ARHGAP4: variants seen among roughly 807,000 people sequenced by gnomAD.
ARHGAP4 encodes Rho GTPase activating protein 4, also known as rho GTPase-activating protein 4.
Under a neutral mutation model 67.6 loss-of-function variants are expected in ARHGAP4, and 25 were observed. The ratio of observed to expected loss-of-function variants is 0.37; its 90% CI spans 0.27 to 0.52. The LOEUF (loss-of-function observed/expected upper bound fraction) is 0.52, where lower values mean the gene tolerates loss of function less well. ARHGAP4 is among the 20% of genes least tolerant of loss of function. The pLI, the probability that ARHGAP4 is intolerant of heterozygous loss-of-function variation, is 0.92. For missense variants in ARHGAP4, 804 were observed against 854.6 expected (o/e 0.94, Z 0.74); for synonymous variants, 448 against 373.7 (o/e 1.20, Z -2.29).
At chrX:153,909,712 C>T (rs375586947) in intron 19 of ARHGAP4, 29 bp downstream of exon 19, 1 of 1,165,251 alleles carries the variant, frequency 8.6e-7, no homozygotes, top group Non-Finnish European at 1.1e-6. Flanking sequence ...CTCCGGGAGC[C>T]CTGGGGCCTG....
chrX:153,915,708 G>A (rs2065051516), intron 7 of ARHGAP4, among the ~76,000 whole-genome samples: 2 of 112,273 alleles, frequency 1.8e-5, no homozygotes, highest in Non-Finnish European at 3.8e-5. Flanking sequence ...GATGGCTTGA[G>A]CCCAGGAGTT....
chrX:153,920,933 C>A, intron 4 of ARHGAP4, 125 bp from the exon 5 acceptor site: 1 of 998,827 alleles, frequency 1.0e-6, no homozygotes, highest in South Asian at 2.1e-5. Flanking sequence ...GAGCACTTAG[C>A]CTAACGCCCT....
intron 1 of ARHGAP4, among the ~76,000 whole-genome samples, chrX:153,924,858 A>G (rs1367606295): frequency 1.8e-5 from 2 of 112,023 alleles, no homozygotes; most frequent in African/African-American, 3.2e-5. Flanking sequence ...AACAGAAGAA[A>G]AGATGGTCTC....
At chrX:153,909,606 G>A (rs782423164) in intron 19 of ARHGAP4, 71 bp from the exon 20 acceptor site, 23 of 1,108,640 alleles carry the variant, frequency 2.1e-5, no homozygotes, top group South Asian at 6.4e-5. Flanking sequence ...GCAGCTCCGC[G>A]CCAGCCAGGA....
chrX:153,922,057 C>G, intron 1 of ARHGAP4: 1 of 992,434 alleles, frequency 1.0e-6, no homozygotes, highest in Non-Finnish European at 1.3e-6. Flanking sequence ...CAGAGCCACC[C>G]GGTTGAGGGG....
chrX:153,920,894 T>C, intron 4 of ARHGAP4, 86 bp from the exon 5 acceptor site: 1 of 1,132,144 alleles, frequency 8.8e-7, no homozygotes, highest in Non-Finnish European at 1.2e-6. Flanking sequence ...CCTCTGGAAC[T>C]TGGACCTCAG....
At position 153,919,017 on chromosome X, in the gene ARHGAP4, C is replaced by T. The variant is rs2065073988; in HGVS notation, c.847G>A (p.Val283Met). Residue 283 changes from valine (V) to methionine (M), a missense_variant, in exon 7 of 22, where the codon GTG becomes ATG. By Grantham distance (21) the Val-to-Met change is conservative (BLOSUM62 1). This residue lies in a region of ARHGAP4 where 404 missense variants were observed against 505.9 expected (regional missense o/e 0.80). Coordinates refer to ENST00000350060, the MANE Select transcript of ARHGAP4 (RefSeq NM_001666.5). The stretch of plus-strand genomic sequence containing the variant: ...TCAGCGGCCGTGTAGCTCCGGAGCA[C>T]CTGCCCCAGGGCCAGGTGGAACCCT... ...DTGFHLALGQ[V>M]LRSYTAAESR... is the part of the protein sequence containing the mutation. The T allele has an allele frequency of 3.3e-6, 4 of 1,211,689 alleles. No individual in the cohort carries two copies. The highest frequency in any genetic ancestry group is 4.5e-6 in the Non-Finnish European group (4 of 895,463).
intron 19 of ARHGAP4, 76 bp downstream of exon 19, chrX:153,909,665 T>C: frequency 1.0e-6 from 1 of 965,256 alleles, no homozygotes; most frequent in Non-Finnish European, 1.4e-6. Flanking sequence ...CTTCAGAATC[T>C]AACTTGGGGT....
Position 153,923,258 on chromosome X carries a change from C to T in ARHGAP4, c.68-1449G>A, listed in dbSNP as rs1557105674. ...ACGGCAGGATTCAGACCAGCAGCAG[C>T]GAGGGAGGACTCCGCTGAGAAGAGC... is the stretch of plus-strand genomic sequence containing the variant. On this transcript the variant is annotated intron_variant, in intron 1 of 21. Coordinates refer to ENST00000350060, the MANE Select transcript of ARHGAP4 (RefSeq NM_001666.5). 3.6e-5 allele frequency among the ~76,000 whole-genome samples: 4 copies of T among 111,090 alleles called. No homozygotes were observed. The Admixed American group carries it at 3.8e-4, about 11-fold the overall frequency.
At chrX:153,916,695 T>G in intron 7 of ARHGAP4, among the ~76,000 whole-genome samples, 1 of 113,053 alleles carries the variant, frequency 8.8e-6, no homozygotes, top group Middle Eastern at 4.6e-3. Flanking sequence ...GAAAACTAAC[T>G]ATTTGCTCTC....
chrX:153,922,166 C>T, intron 1 of ARHGAP4: 1 of 897,407 alleles, frequency 1.1e-6, no homozygotes, highest in Non-Finnish European at 1.4e-6. Context: ...CCTGGAAAGC[C>T]TCTGAATGGT....
At chrX:153,917,146 G>A (rs1030576564) in intron 7 of ARHGAP4, among the ~76,000 whole-genome samples, 2 of 111,697 alleles carry the variant, frequency 1.8e-5, no homozygotes, top group African/African-American at 6.5e-5. Context: ...AACCTGGGAG[G>A]CAGAGGTTGC....
rs781834896 is a variant in ARHGAP4, at chrX:153,919,356, C to T, written c.682-73G>A. The T allele has an allele frequency of 3.7e-5, 44 of 1,199,214 alleles. No individual in the cohort carries two copies. In the East Asian group the frequency reaches 1.2e-3, roughly 33 times the overall value. Reference sequence around the variant, plus strand: ...CCTATCTCTAGCCTTTCATGTAATGCCCATCGCCTCCCCTCCCACTGTGGA... The same window carrying T: ...CCTATCTCTAGCCTTTCATGTAATGTCCATCGCCTCCCCTCCCACTGTGGA... On this transcript the variant is annotated intron_variant, in intron 5 of 21. Transcript: ENST00000350060.
intron 7 of ARHGAP4, among the ~76,000 whole-genome samples, chrX:153,918,147 T>C (rs782307818): frequency 8.8e-6 from 1 of 113,091 alleles, no homozygotes; most frequent in South Asian, 3.6e-4. Flanking sequence ...GTACCTGTTG[T>C]CATGGTGATT....
intron 21 of ARHGAP4, among the ~76,000 whole-genome samples, chrX:153,908,494 G>A (rs1332434047): frequency 4.5e-5 from 5 of 112,178 alleles, no homozygotes; most frequent in African/African-American, 1.6e-4. Flanking sequence ...TGTTCACAGG[G>A]CCCATGGTAC....
intron 1 of ARHGAP4, among the ~76,000 whole-genome samples, chrX:153,925,845 T>C (rs1557106080): frequency 8.8e-6 from 1 of 113,095 alleles, no homozygotes; most frequent in South Asian, 3.6e-4. Flanking sequence ...GGCTCTCTTT[T>C]ACCAGCGGCC....
chrX:153,925,705 T>G, intron 1 of ARHGAP4, among the ~76,000 whole-genome samples: 1 of 111,797 alleles, frequency 8.9e-6, no homozygotes, highest in Non-Finnish European at 1.9e-5. Flanking sequence ...GGGACTGCAG[T>G]GGGGTTACGG....
chrX:153,923,704 G>A (rs934545139), intron 1 of ARHGAP4, among the ~76,000 whole-genome samples: 2 of 113,090 alleles, frequency 1.8e-5, no homozygotes, highest in African/African-American at 6.4e-5. Context: ...TGGTTAACTC[G>A]TCAGCTCCAA....
rs782671650 is a variant in ARHGAP4 at position 153,908,524 on chromosome X, CCCAGGTTGTGCGCTTG to C, written c.2607+530_2607+545del. Among the ~76,000 whole-genome samples the C allele has an allele frequency of 6.1e-3, 681 of 112,183 alleles. 3 individuals carry two copies. The highest frequency in any genetic ancestry group is 0.011 in the Non-Finnish European group (570 of 53,094). On this transcript the variant is annotated intron_variant, in intron 21 of 21. Coordinates refer to ENST00000350060, the MANE Select transcript of ARHGAP4 (RefSeq NM_001666.5). ...TGGTACAGAGCACGGAGCAGGGTCC[CCCAGGTTGTGCGCTTG>C]CCAGGGCCACATCTTGAGCCTTCGC...
Sources: allele counts gnomAD v4.1 joint callset (sites outside exome capture counted in the v4.1 genomes callset), GRCh38; gene constraint gnomAD v4.1.1; regional missense constraint gnomAD v4.1.1; transcripts MANE v1.5; gene names NCBI Gene and HGNC (gene_info 2026-07-23, HGNC 2026-07-21).